WDR17: variants seen among roughly 807,000 people sequenced by gnomAD.
WDR17 encodes the protein WD repeat-containing protein 17.
WDR17 carries 143 observed loss-of-function variants against 161.7 expected under a neutral mutation model. That is an observed-to-expected ratio of 0.88 (90% CI 0.77 to 1.02). The LOEUF is 1.02. WDR17 is among the 50% of genes least tolerant of loss of function. The pLI, the probability that WDR17 is intolerant of heterozygous loss-of-function variation, is 0.00. For missense variants in WDR17, 1,469 were observed against 1,520.9 expected (o/e 0.97, Z 0.57); for synonymous variants, 517 against 515.6 (o/e 1.00, Z -0.04).
At chr4:176,160,758 C>T (rs1031149716) in intron 19 of WDR17, among the ~76,000 whole-genome samples, 153 bp from the exon 20 acceptor site, 2 of 152,196 alleles carry the variant, frequency 1.3e-5, no homozygotes, top group African/African-American at 4.8e-5. Context: ...ACACAATTAA[C>T]ATCTCATTTC....
intron 26 of WDR17, among the ~76,000 whole-genome samples, chr4:176,175,691 G>A (rs1251422022): frequency 6.6e-6 from 1 of 151,468 alleles, no homozygotes; most frequent in Non-Finnish European, 1.5e-5. Flanking sequence ...CCGAGTAGCT[G>A]GGACTACAGG....
rs749516871 is a variant in WDR17 at position 176,069,651 on chromosome 4, A to ATT, written c.-7+3579_-7+3580dup. 1.3e-5 allele frequency among the ~76,000 whole-genome samples: 2 copies of ATT among 151,786 alleles called. 1 individual carries two copies. The highest frequency in any genetic ancestry group is 4.8e-5 in the African/African-American group (2 of 41,362). On this transcript the variant is annotated intron_variant, in intron 1 of 28. Transcript: ENST00000508596. The stretch of plus-strand genomic sequence containing the variant: ...TGTTTTCTTCTTCCAGATTCTTCCC[A>ATT]TTTTTTTTAGTTGTAAGCATGTACC...
chr4:176,076,790 C>A (rs1467402509), intron 1 of WDR17, among the ~76,000 whole-genome samples: 1 of 151,922 alleles, frequency 6.6e-6, no homozygotes, highest in Non-Finnish European at 1.5e-5. Flanking sequence ...TGAGAGGCGG[C>A]CCATATAGGC....
chr4:176,067,122 C>T (rs1270686317), intron 1 of WDR17, among the ~76,000 whole-genome samples: 1 of 152,198 alleles, frequency 6.6e-6, no homozygotes, highest in Admixed American at 6.5e-5. Context: ...AGCACTCTTA[C>T]ATCCTTTTGA....
chr4:176,169,973 AAGT>A (rs761212635), intron 23 of WDR17, among the ~76,000 whole-genome samples: 2 of 152,172 alleles, frequency 1.3e-5, no homozygotes, highest in Non-Finnish European at 2.9e-5. Context: ...ATATGAAAGA[AAGT>A]AGGAGTTTTT....
intron 23 of WDR17, among the ~76,000 whole-genome samples, chr4:176,171,041 C>T (rs2126879975): frequency 6.6e-6 from 1 of 152,156 alleles, no homozygotes; most frequent in East Asian, 1.9e-4. Context: ...AATAATATCT[C>T]ATGTAATTTA....
chr4:176,175,538 ATTTGTTTGTTTGTTTGTTTGTTTG>A (rs146325115), intron 26 of WDR17, among the ~76,000 whole-genome samples: 1 of 150,042 alleles, frequency 6.7e-6, no homozygotes, highest in East Asian at 2.0e-4. Flanking sequence ...GCAGTCTTTT[ATTTGTTTGTTTGTTTGTTTGTTTG>A]TTTGTTTGTT....
chr4:176,151,762 A>AAACAAAAT (rs778931243), intron 16 of WDR17, 50 bp from the exon 17 acceptor site: 1 of 1,500,806 alleles, frequency 6.7e-7, no homozygotes, highest in Non-Finnish European at 8.9e-7. Flanking sequence ...GACACATACA[A>AAACAAAAT]AACAAAATAT....
rs535819443 is a variant in WDR17 at position 176,177,654 on chromosome 4, G to A, written c.3732G>A (p.Gln1244=). ...HISCLTGLKI[Q]GPVFFLEDGK... ...CTTGTCTTACGGGATTAAAAATCCA[G>A]GTAAAGCCTAACATCAGACATAACA... Residue 1244 remains glutamine, a splice_region_variant and synonymous_variant, in exon 28 of 29, where the codon CAG becomes CAA. Coordinates refer to ENST00000508596, the MANE Select transcript of WDR17 (RefSeq NM_181265.4). 6 of 1,578,768 alleles carry A rather than the reference G, an allele frequency of 3.8e-6. No homozygotes were observed. In the African/African-American group the frequency reaches 8.3e-5, roughly 22 times the overall value.
At chr4:176,126,132 G>A (rs1234202386) in intron 5 of WDR17, among the ~76,000 whole-genome samples, 6 of 152,142 alleles carry the variant, frequency 3.9e-5, no homozygotes, top group African/African-American at 1.2e-4. Flanking sequence ...GTTGCATTGG[G>A]GATAAAGTTT....
In WDR17 at chr4:176,120,316, AT is replaced by A. The variant is rs1267988315; in HGVS notation, c.538+220del. 1.8e-3 allele frequency among the ~76,000 whole-genome samples: 262 copies of A among 144,444 alleles called. 1 individual carries two copies. Among genetic ancestry groups the A allele is most frequent in the African/African-American group, 6.1e-3 (232 of 37,764 alleles). The allele number at this position is 144,444 out of a possible 152,430, so 94.8% of individuals were successfully genotyped here. A position where few individuals can be genotyped will look rare whatever the true frequency, so the allele number is the denominator to read the frequency against. ...TATATATATATATATATATATATAT[AT>A]ATAATACATTCAACACAGCTGTGAA... On this transcript the variant is annotated intron_variant, in intron 4 of 28. Transcript: ENST00000508596.
At chr4:176,161,384 A>G (rs1307257690) in intron 20 of WDR17, among the ~76,000 whole-genome samples, 1 of 152,184 alleles carries the variant, frequency 6.6e-6, no homozygotes, top group African/African-American at 2.4e-5. Flanking sequence ...AACGTAGTTT[A>G]TAATCCCATG....
At chr4:176,093,488 T>C (rs1184695968) in intron 1 of WDR17, among the ~76,000 whole-genome samples, 1 of 152,206 alleles carries the variant, frequency 6.6e-6, no homozygotes, top group Non-Finnish European at 1.5e-5. Context: ...TCATTTTCTA[T>C]TTTATTTTAA....
At chr4:176,115,515 G>T (rs1740471514) in intron 2 of WDR17, among the ~76,000 whole-genome samples, 1 of 151,536 alleles carries the variant, frequency 6.6e-6, no homozygotes, top group Non-Finnish European at 1.5e-5. Context: ...ATATAATAAA[G>T]CTCTAAATTA....
rs1018456630 is a variant in WDR17, at chr4:176,155,675, G to C, written c.2461-404G>C. Among the ~76,000 whole-genome samples the C allele has an allele frequency of 1.7e-4, 25 of 144,556 alleles. 1 individual carries two copies. The highest frequency in any genetic ancestry group is 6.4e-4 in the African/African-American group (25 of 39,028). 94.8% of individuals were successfully genotyped at this position (144,556 alleles called of 152,430 possible). A position where few individuals can be genotyped will look rare whatever the true frequency, so the allele number is the denominator to read the frequency against. On this transcript the variant is annotated intron_variant, in intron 17 of 28. Transcript: ENST00000508596. ...TCCTGTCCACTCAGCCTCCCAAGTA[G>C]CTAGAACTACAAGTGTGCACCACCA...
intron 22 of WDR17, among the ~76,000 whole-genome samples, chr4:176,167,830 T>A (rs944337878): frequency 1.3e-5 from 2 of 151,786 alleles, no homozygotes; most frequent in African/African-American, 4.8e-5. Flanking sequence ...CCTCAGTTGC[T>A]TTAGTCCACT....
chr4:176,156,088 G>T lies in WDR17; in HGVS notation c.2470G>T (p.Ala824Ser), dbSNP rs148260572. The T allele has an allele frequency of 1.2e-5, 20 of 1,613,610 alleles. No homozygotes were observed. The highest frequency in any genetic ancestry group is 1.7e-5 in the Non-Finnish European group (20 of 1,179,764). Reference protein sequence around the residue: ...LMVELGEWDKALSIAPGVSVK... With the variant: ...LMVELGEWDKSLSIAPGVSVK... ...TTGCCTTCTATTGTAGTGGGACAAA[G>T]CCCTGTCAATTGCACCAGGAGTCTC... Residue 824 changes from alanine to serine, a missense_variant, in exon 18 of 29, where the codon GCC becomes TCC. Coordinates refer to ENST00000508596, the MANE Select transcript of WDR17 (RefSeq NM_181265.4).
In WDR17 at chr4:176,181,153, T is replaced by G. The variant is rs927925595; in HGVS notation, c.*1574T>G. 5.3e-5 allele frequency: 8 copies of G among 151,688 alleles called. No homozygotes were observed. In the East Asian group the frequency reaches 5.8e-4, roughly 11 times the overall value. The allele number at this position is 151,688 out of a possible 1,614,324, so 9.4% of individuals were successfully genotyped here. A position where few individuals can be genotyped will look rare whatever the true frequency, so the allele number is the denominator to read the frequency against. On this transcript the variant is annotated 3_prime_UTR_variant, in exon 29 of 29. Transcript: ENST00000508596. ...ATATTTATCACATGACCACTTTTGA[T>G]TCCTTAAAAAGACATTACAGGCTTA...
chr4:176,159,961 A>T, intron 18 of WDR17, 33 bp from the exon 19 acceptor site: 1 of 1,537,046 alleles, frequency 6.5e-7, no homozygotes, highest in South Asian at 1.3e-5. Flanking sequence ...TCAAAATAAT[A>T]TATTGTTTAA....
Sources: gnomAD v4.1 joint callset for allele counts (sites outside exome capture counted in the v4.1 genomes callset) on GRCh38, gnomAD v4.1.1 for gene constraint, MANE v1.5 for transcripts, NCBI Gene and HGNC (gene_info 2026-07-23, HGNC 2026-07-21) for gene names.